C4orf50: variants seen among roughly 807,000 people sequenced by gnomAD.
C4orf50 encodes the protein uncharacterized protein C4orf50.
A neutral mutation model predicts 77.2 loss-of-function variants in C4orf50; 80 were observed. The ratio of observed to expected loss-of-function variants is 1.04; its 90% CI spans 0.87 to 1.25. The LOEUF is 1.25. C4orf50 is among the 50% of genes most tolerant of loss of function. C4orf50 has a pLI of 0.00. For synonymous variants in C4orf50, 532 were observed against 465.3 expected (o/e 1.14, Z -1.84); for missense variants, 1,257 against 1,152.9 (o/e 1.09, Z -1.31).
At chr4:5,976,457 G>GAAAA (rs138450804) in intron 29 of C4orf50, among the ~76,000 whole-genome samples, 5 of 93,074 alleles carry the variant, frequency 5.4e-5, no homozygotes, top group Non-Finnish European at 5.8e-5. Flanking sequence ...CTCTGTCTCG[G>GAAAA]AAAAAAAAAA....
intron 7 of C4orf50, among the ~76,000 whole-genome samples, chr4:5,929,309 G>T (rs1007649571): frequency 6.6e-6 from 1 of 152,136 alleles, no homozygotes; most frequent in African/African-American, 2.4e-5. Flanking sequence ...GTCAGCAGAC[G>T]TTTTTTTGAA....
intron 7 of C4orf50, among the ~76,000 whole-genome samples, chr4:5,910,779 G>C (rs561654956): frequency 1.2e-3 from 187 of 152,178 alleles, no homozygotes; most frequent in Non-Finnish European, 2.2e-3. Context: ...CTGCCCTCAG[G>C]TGCTCTCTTT....
intron 7 of C4orf50, among the ~76,000 whole-genome samples, chr4:5,939,771 A>G (rs1156731199): frequency 6.6e-6 from 1 of 152,076 alleles, no homozygotes; most frequent in Non-Finnish European, 1.5e-5. Flanking sequence ...CCCTGTCCCC[A>G]GACTGCAGAA....
chr4:5,918,309 A>G (rs1460922601), intron 7 of C4orf50, among the ~76,000 whole-genome samples: 1 of 152,222 alleles, frequency 6.6e-6, no homozygotes, highest in Non-Finnish European at 1.5e-5. Context: ...GTGGAGTCAC[A>G]GAGTGGGAGG....
exon 28 of C4orf50, chr4:5,990,015 C>A: frequency 7.2e-7 from 1 of 1,387,260 alleles, no homozygotes; most frequent in South Asian, 1.9e-5. Flanking sequence ...GCTCTTTGGT[C>A]TCATGAGCCC....
chr4:5,932,493 T>C lies in C4orf50; in HGVS notation c.*2474+24408A>G, dbSNP rs1001566040. ...GTTTTGGAGCCTGGCTGGAGTGCCG[T>C]GGCTCCATCACAGTTCACTGCAGCC... is the stretch of plus-strand genomic sequence containing the variant. On this transcript the variant is annotated intron_variant, in intron 7 of 7. Transcript: ENST00000324058. The surrounding 1 kb of genome is among the most constrained non-coding windows in gnomAD (Gnocchi z 4.2). Among the ~76,000 whole-genome samples, 2 of 152,226 alleles carry C rather than the reference T, an allele frequency of 1.3e-5. No homozygotes were observed.
At position 5,921,055 on chromosome 4, in the gene C4orf50, C is replaced by A. The variant is rs575342268; in HGVS notation, c.*2475-22867G>T. Among the ~76,000 whole-genome samples the A allele has an allele frequency of 4.6e-5, 7 of 152,328 alleles. No individual in the cohort carries two copies. In the East Asian group the frequency reaches 1.4e-3, roughly 29 times the overall value. On this transcript the variant is annotated intron_variant, in intron 7 of 7. Transcript: ENST00000324058. ...GGATGTGGCCTGCTTATCTGAGTGA[C>A]CTGAGACCTTGATACCTGAGCAAGC...
chr4:5,961,427 C>G (rs564548015), intron 33 of C4orf50, among the ~76,000 whole-genome samples: 17 of 152,354 alleles, frequency 1.1e-4, no homozygotes, highest in African/African-American at 3.6e-4. Context: ...CAGTCTACAA[C>G]AGTGAACATT....
intron 33 of C4orf50, 49 bp downstream of exon 11, chr4:5,964,975 T>G (rs779283522): frequency 6.3e-7 from 1 of 1,582,366 alleles, no homozygotes; most frequent in South Asian, 1.1e-5. Context: ...GTGTTGTACT[T>G]TCAATAACAA....
At chr4:5,998,779 T>C (rs993655271) in intron 25 of C4orf50, among the ~76,000 whole-genome samples, 1 of 152,262 alleles carries the variant, frequency 6.6e-6, no homozygotes. Flanking sequence ...GCAAGGTTCA[T>C]GCCTGGCTCA....
At chr4:5,976,048 G>T in intron 29 of C4orf50, 93 bp from the exon 8 acceptor site, 1 of 1,010,580 alleles carries the variant, frequency 9.9e-7, no homozygotes, top group East Asian at 2.4e-5. Flanking sequence ...ACAGCTGGCA[G>T]TTGCCTGCCC....
chr4:5,975,506 T>C (rs2108777027), intron 30 of C4orf50, among the ~76,000 whole-genome samples: 1 of 149,016 alleles, frequency 6.7e-6, no homozygotes, highest in Admixed American at 6.6e-5. Flanking sequence ...TTTTGTTTTG[T>C]TTTGTTTTGT....
intron 25 of C4orf50, among the ~76,000 whole-genome samples, chr4:6,002,697 G>A (rs373663725): frequency 6.6e-5 from 10 of 152,188 alleles, no homozygotes; most frequent in Non-Finnish European, 1.0e-4. Flanking sequence ...ACTCAGGGTC[G>A]CTGCTGGTGC....
downstream of C4orf50, among the ~76,000 whole-genome samples, chr4:5,954,177 C>A (rs924007252): frequency 6.6e-6 from 1 of 152,132 alleles, no homozygotes; most frequent in African/African-American, 2.4e-5. This position sits in a 1 kb window ranked among gnomAD's most constrained non-coding sequence, Gnocchi z 4.7. Flanking sequence ...CATGGATGGA[C>A]TATCAGTGAC....
chr4:5,921,748 T>G (rs111950929), intron 7 of C4orf50, among the ~76,000 whole-genome samples: 11,806 of 151,238 alleles, frequency 0.078, 508 homozygotes, highest in Non-Finnish European at 0.1. Flanking sequence ...CAGATAAGAG[T>G]GGGTGGATAT....
chr4:5,973,071 G>A (rs937404958), intron 31 of C4orf50, among the ~76,000 whole-genome samples: 3 of 152,212 alleles, frequency 2.0e-5, no homozygotes, highest in African/African-American at 7.2e-5. Flanking sequence ...TCAGAGCCAG[G>A]CACTGGGAAG....
At chr4:5,924,575 T>C (rs1040956259) in intron 7 of C4orf50, among the ~76,000 whole-genome samples, 3 of 152,058 alleles carry the variant, frequency 2.0e-5, no homozygotes, top group African/African-American at 7.2e-5. Flanking sequence ...GAACCGTCAA[T>C]CCCTGGCTAT....
chr4:5,936,339 A>G (rs955868287), intron 7 of C4orf50, among the ~76,000 whole-genome samples: 1 of 152,136 alleles, frequency 6.6e-6, no homozygotes, highest in Non-Finnish European at 1.5e-5. Context: ...AGGCGGGTGG[A>G]TCACCTGAAG....
chr4:5,967,997 A>G (rs1209614020), intron 31 of C4orf50, among the ~76,000 whole-genome samples: 3 of 152,180 alleles, frequency 2.0e-5, no homozygotes, highest in Non-Finnish European at 4.4e-5. Flanking sequence ...CAACTGCTGG[A>G]TCTTCGAGGC....
Sources: allele counts gnomAD v4.1 joint callset (sites outside exome capture counted in the v4.1 genomes callset), GRCh38; gene constraint gnomAD v4.1.1; non-coding constraint Gnocchi (gnomAD v3.1); transcripts MANE v1.5; gene names NCBI Gene and HGNC (gene_info 2026-07-23, HGNC 2026-07-21).